Variants in TBX19 observed in about 807,000 individuals in gnomAD.
The protein encoded by TBX19 is T-box transcription factor 19.
A neutral mutation model predicts 40.9 loss-of-function variants in TBX19; 33 were observed. That is an observed-to-expected ratio of 0.81 (90% CI 0.61 to 1.08). The LOEUF (loss-of-function observed/expected upper bound fraction) is 1.08, where lower values mean the gene tolerates loss of function less well. Ranked by LOEUF, TBX19 falls within the 50% of genes least tolerant of loss-of-function variation. The pLI is 0.00. For synonymous variants in TBX19, 220 were observed against 225.0 expected, an observed-to-expected ratio of 0.98 and a Z score of 0.20; for missense variants, 494 against 574.0, an observed-to-expected ratio of 0.86 and a Z score of 1.42.
intron 5 of TBX19, 127 bp downstream of exon 5, chr1:168,300,610 T>A: frequency 1.1e-6 from 1 of 894,128 alleles, no homozygotes; most frequent in Non-Finnish European, 1.8e-6. Context: ...ACACACAGTT[T>A]ATTCTATTAA....
intron 7 of TBX19, among the ~76,000 whole-genome samples, chr1:168,311,945 TA>T (rs1226571457): frequency 6.6e-6 from 1 of 152,040 alleles, no homozygotes; most frequent in African/African-American, 2.4e-5. Flanking sequence ...AATATTACTT[TA>T]AAAACCCCCC....
At chr1:168,298,120 C>T (rs1052264101) in intron 4 of TBX19, among the ~76,000 whole-genome samples, 6 of 152,074 alleles carry the variant, frequency 3.9e-5, no homozygotes, top group Non-Finnish European at 8.8e-5. Flanking sequence ...GGCGTGAACC[C>T]GGGAGGCGGA....
intron 3 of TBX19, among the ~76,000 whole-genome samples, chr1:168,294,839 C>A (rs1339297831): frequency 3.9e-5 from 6 of 152,052 alleles, no homozygotes; most frequent in African/African-American, 1.4e-4. Context: ...CAATGAATAT[C>A]CTGGTGCATC....
chr1:168,305,129 G>A lies in TBX19; in HGVS notation c.849G>A (p.Ser283=), dbSNP rs145436332. 1.5e-5 allele frequency: 25 copies of A among 1,613,740 alleles called. 1 individual carries two copies. Among genetic ancestry groups the A allele is most frequent in the African/African-American group, 1.2e-4 (9 of 74,836 alleles). Residue 283 remains serine (S), a synonymous_variant, in exon 6 of 8, where the codon TCG becomes TCA. Transcript: ENST00000367821. ...PHTHHGCEHY[S]GLRGHRQAPY... The stretch of plus-strand genomic sequence containing the variant: ...CCCACCATGGCTGTGAGCACTATTC[G>A]GGTCTCCGAGGACACCGGCAGGCTC...
rs753572197 is a variant in TBX19 at position 168,305,120 on chromosome 1, G to A, written c.840G>A (p.Glu280=). ...LPAPHTHHGC[E]HYSGLRGHRQ... is the part of the protein sequence containing the mutation. Reference sequence around the variant, plus strand: ...CTCCCCACACCCACCATGGCTGTGAGCACTATTCGGGTCTCCGAGGACACC... The same window carrying A: ...CTCCCCACACCCACCATGGCTGTGAACACTATTCGGGTCTCCGAGGACACC... Residue 280 remains glutamate (E), a synonymous_variant, in exon 6 of 8, where the codon GAG becomes GAA. Transcript: ENST00000367821. The A allele has an allele frequency of 3.7e-5, 59 of 1,613,986 alleles. No homozygotes were observed. Among genetic ancestry groups the A allele is most frequent in the Non-Finnish European group, 4.7e-5 (56 of 1,180,046 alleles).
chr1:168,304,512 G>A (rs1080627), intron 5 of TBX19, among the ~76,000 whole-genome samples: 92,037 of 152,048 alleles, frequency 0.61, 28,835 homozygotes, highest in Non-Finnish European at 0.71. Flanking sequence ...GGAAAGTTGC[G>A]TATATTGTAA....
At position 168,289,438 on chromosome 1, in the gene TBX19, A is replaced by G. The variant is rs556589906; in HGVS notation, c.204-1722A>G. On this transcript the variant is annotated intron_variant, in intron 1 of 7. Coordinates refer to ENST00000367821, the MANE Select transcript of TBX19 (RefSeq NM_005149.3). ...GCAGCCGCCCTAGAGGAGGTGTATC[A>G]TTTTAGTTAATGTAAAAGTGCAATC... is the stretch of plus-strand genomic sequence containing the variant. 2.6e-4 allele frequency among the ~76,000 whole-genome samples: 39 copies of G among 152,336 alleles called. 1 individual carries two copies. The highest frequency in any genetic ancestry group is 9.4e-4 in the African/African-American group (39 of 41,578).
intron 3 of TBX19, among the ~76,000 whole-genome samples, chr1:168,294,511 T>G (rs548457120): frequency 2.7e-5 from 4 of 149,778 alleles, no homozygotes; most frequent in African/African-American, 9.8e-5. Flanking sequence ...TTTTTTTTTG[T>G]TTTTTTTTGA....
chr1:168,311,692 A>G (rs1404624921), intron 7 of TBX19, among the ~76,000 whole-genome samples: 1 of 152,260 alleles, frequency 6.6e-6, no homozygotes, highest in Non-Finnish European at 1.5e-5. Flanking sequence ...CATATTATCA[A>G]GCAATACAGT....
intron 2 of TBX19, 35 bp from the exon 3 acceptor site, chr1:168,293,109 G>A (rs374893280): frequency 2.0e-5 from 32 of 1,611,690 alleles, no homozygotes; most frequent in Non-Finnish European, 2.5e-5. Flanking sequence ...ACGGGGCTTT[G>A]CTTTTCTCCT....
chr1:168,301,722 G>A (rs563279078), intron 5 of TBX19, among the ~76,000 whole-genome samples: 1 of 152,334 alleles, frequency 6.6e-6, no homozygotes, highest in Non-Finnish European at 1.5e-5. Context: ...GTTACAAGTG[G>A]ATTTTTAAAG....
At chr1:168,312,633 A>G (rs1227129006) in intron 7 of TBX19, 75 bp from the exon 8 acceptor site, 13 of 1,532,962 alleles carry the variant, frequency 8.5e-6, no homozygotes, top group Admixed American at 1.7e-5. Context: ...AGCACTGTGT[A>G]CATGCTTGTC....
At chr1:168,282,778 T>C (rs1189652655) in intron 1 of TBX19, among the ~76,000 whole-genome samples, 1 of 152,232 alleles carries the variant, frequency 6.6e-6, no homozygotes, top group Non-Finnish European at 1.5e-5. Context: ...TATTTTTCTT[T>C]GTATTATTGG....
chr1:168,312,772 G>A lies in TBX19; in HGVS notation c.1117G>A (p.Val373Met), dbSNP rs778358146. The A allele has an allele frequency of 2.5e-6, 4 of 1,614,100 alleles. No individual in the cohort carries two copies. The highest frequency in any genetic ancestry group is 1.1e-5 in the South Asian group (1 of 91,094). Residue 373 changes from valine (V) to methionine (M), a missense_variant, in exon 8 of 8, where the codon GTG becomes ATG. Physicochemically the swap from Val to Met is conservative, Grantham distance 21. This residue lies in a region of TBX19 where 284 missense variants were observed against 307.3 expected (regional missense o/e 0.92). Transcript: ENST00000367821. ...AGGCCCCAGTGGGCCAGGCCCGGAG[G>A]TGCACGCCAGCACCCCAGGAGCATT... ...AGGPSGPGPE[V>M]HASTPGAFLL...
chr1:168,306,735 A>G (rs1484673607), intron 6 of TBX19, among the ~76,000 whole-genome samples: 1 of 152,088 alleles, frequency 6.6e-6, no homozygotes, highest in African/African-American at 2.4e-5. Flanking sequence ...TCACCTGGGA[A>G]CTTGTTAGAA....
rs373712384 is a variant in TBX19, at chr1:168,293,287, G to GTT, written c.603+10_603+11insTT. On this transcript the variant is annotated intron_variant, in intron 3 of 7. Coordinates refer to ENST00000367821, the MANE Select transcript of TBX19 (RefSeq NM_005149.3). ...CCTATCAGAATGAGGAGGTAAGAGT[G>GTT]TGTGTGTGTGTGTGTGTGTGTGTGT... The GTT allele has an allele frequency of 0.014, 16,876 of 1,234,136 alleles. 223 individuals carry two copies. The highest frequency in any genetic ancestry group is 0.11 in the African/African-American group (4,910 of 43,932). The allele number at this position is 1,234,136 out of a possible 1,614,324, so 76.4% of individuals were successfully genotyped here.
In TBX19 at chr1:168,300,475, A is replaced by C; in HGVS notation, c.719A>C (p.Tyr240Ser). 2 of 1,614,120 alleles carry C rather than the reference A, an allele frequency of 1.2e-6. No homozygotes were observed. Among genetic ancestry groups the C allele is most frequent in the Non-Finnish European group, 1.7e-6 (2 of 1,180,006 alleles). ...ATCTCTGAGAGCCAGCATGTGACCTATTCTCACTGTGAGTTGGGTGTACAT... is the reference window on the plus strand; with the variant it reads ...ATCTCTGAGAGCCAGCATGTGACCTCTTCTCACTGTGAGTTGGGTGTACAT... ...EAISESQHVTYSHLGGWIFSN... is the reference protein window; with the variant it reads ...EAISESQHVTSSHLGGWIFSN... The change falls in exon 5 of 8, where the codon TAT becomes TCT. Residue 240 changes from tyrosine to serine, a missense_variant. Physicochemically the swap from Tyr to Ser is moderately radical, Grantham distance 144 (BLOSUM62 -2). Coordinates refer to ENST00000367821, the MANE Select transcript of TBX19 (RefSeq NM_005149.3).
chr1:168,309,384 C>T (rs1158080610), intron 7 of TBX19, among the ~76,000 whole-genome samples: 6 of 152,094 alleles, frequency 3.9e-5, no homozygotes, highest in Non-Finnish European at 7.4e-5. Context: ...AAAAAATAAA[C>T]AAATAAATAA....
Position 168,281,309 on chromosome 1 carries a change from GC to G in TBX19, c.203+20del. 6.2e-7 allele frequency: 1 copy of G among 1,611,672 alleles called. No homozygotes were observed. The highest frequency in any genetic ancestry group is 2.2e-5 in the East Asian group (1 of 44,864). On this transcript the variant is annotated intron_variant, in intron 1 of 7. Coordinates refer to ENST00000367821, the MANE Select transcript of TBX19 (RefSeq NM_005149.3). The stretch of plus-strand genomic sequence containing the variant: ...AGAATGGCAGGTGAGTTTATCTGCC[GC>G]CCCGCGTGGGCTGGCAGGGCTTGGC...
Sources: gnomAD v4.1 joint callset for allele counts (sites outside exome capture counted in the v4.1 genomes callset) on GRCh38, gnomAD v4.1.1 for gene constraint, gnomAD v4.1.1 regional missense constraint, MANE v1.5 for transcripts, NCBI Gene and HGNC (gene_info 2026-07-23, HGNC 2026-07-21) for gene names.